COPG2: variants seen among roughly 807,000 people sequenced by gnomAD.
COPG2 encodes coat protein complex I subunit gamma 2.
In COPG2, 37 loss-of-function variants were observed where a neutral mutation model predicts 46.3. The ratio of observed to expected loss-of-function variants is 0.80; its 90% confidence interval spans 0.61 to 1.05. COPG2 has a LOEUF of 1.05. COPG2 is among the 50% of genes least tolerant of loss of function. COPG2 has a pLI of 0.00. For synonymous variants in COPG2, 159 were observed against 129.7 expected, an observed-to-expected ratio of 1.23 and a Z score of -1.53; for missense variants, 427 against 387.8, an observed-to-expected ratio of 1.10 and a Z score of -0.85.
chr7:130,584,200 A>G (rs1388882048), intron 9 of COPG2, among the ~76,000 whole-genome samples: 1 of 152,042 alleles, frequency 6.6e-6, no homozygotes, highest in Non-Finnish European at 1.5e-5. Flanking sequence ...ACAAAATTAA[A>G]AACAAAAATC....
Position 130,645,512 on chromosome 7 carries a change from C to T in COPG2, c.323+7357G>A, listed in dbSNP as rs537871703. The T allele has an allele frequency of 4.7e-5, 12 of 254,154 alleles. No individual in the cohort carries two copies. In the South Asian group the frequency reaches 4.9e-4, roughly 10 times the overall value. 15.7% of individuals were successfully genotyped at this position (254,154 alleles called of 1,614,324 possible). ...CCACAGGCACTAGAGGCTCCAGGGG[C>T]TCAATCACCTCAATCATGATCCGGC... On this transcript the variant is annotated intron_variant, in intron 5 of 23. Coordinates refer to ENST00000425248, the MANE Select transcript of COPG2 (RefSeq NM_012133.6).
At chr7:130,646,774 T>G (rs1554458248) in intron 5 of COPG2, among the ~76,000 whole-genome samples, 2 of 151,734 alleles carry the variant, frequency 1.3e-5, no homozygotes, top group Non-Finnish European at 2.9e-5. Context: ...CTTTCACTCT[T>G]TTCTCTCTCT....
At chr7:130,653,373 C>A (rs1397004417) in intron 4 of COPG2, among the ~76,000 whole-genome samples, 2 of 152,208 alleles carry the variant, frequency 1.3e-5, no homozygotes, top group Non-Finnish European at 2.9e-5. Flanking sequence ...CCTGCCGCAG[C>A]CTCCTGGGTA....
intron 20 of COPG2, among the ~76,000 whole-genome samples, chr7:130,512,043 T>TGTTGAAACACAGTG (rs1799604097): frequency 7.8e-6 from 1 of 128,950 alleles, no homozygotes; most frequent in Admixed American, 8.5e-5. Flanking sequence ...GGTGAAACAC[T>TGTTGAAACACAGTG]GTGTCTTCTA....
intron 5 of COPG2, among the ~76,000 whole-genome samples, chr7:130,624,772 T>C (rs1554454054): frequency 1.3e-5 from 2 of 152,362 alleles, no homozygotes. Context: ...CTGTATTCCA[T>C]GGTGTATATA....
intron 5 of COPG2, among the ~76,000 whole-genome samples, chr7:130,634,886 C>T (rs1390927051): frequency 2.0e-5 from 3 of 151,856 alleles, no homozygotes. Flanking sequence ...TACGTTCCAT[C>T]AACACCTAGT....
Position 130,507,835 on chromosome 7 carries a change from T to C in COPG2, c.2248-12A>G. On this transcript the variant is annotated splice_polypyrimidine_tract_variant and intron_variant, in intron 21 of 23. Transcript: ENST00000425248. ...TCGAGATCTTCCAGCTAGTGGGTAATAAGCAGTCAGTAAAGAAAAGTCCTT... is the reference window on the plus strand; with the variant it reads ...TCGAGATCTTCCAGCTAGTGGGTAACAAGCAGTCAGTAAAGAAAAGTCCTT... 1 of 779,630 alleles carries C rather than the reference T, an allele frequency of 1.3e-6. No homozygotes were observed. Among genetic ancestry groups the C allele is most frequent in the Non-Finnish European group, 2.4e-6 (1 of 417,500 alleles). 48.3% of individuals were successfully genotyped at this position (779,630 alleles called of 1,614,324 possible).
intron 9 of COPG2, among the ~76,000 whole-genome samples, chr7:130,591,660 C>T (rs542206372): frequency 1.4e-5 from 2 of 145,240 alleles, no homozygotes; most frequent in East Asian, 2.2e-4. Context: ...GGCGCCTCTG[C>T]CCGGCCGCCC....
At chr7:130,636,189 G>A (rs1795333229) in intron 5 of COPG2, among the ~76,000 whole-genome samples, 1 of 152,154 alleles carries the variant, frequency 6.6e-6, no homozygotes, top group Non-Finnish European at 1.5e-5. Flanking sequence ...GTTGATTTGG[G>A]GTGGAGAGTT....
chr7:130,608,976 A>C (rs1263426417), intron 9 of COPG2, among the ~76,000 whole-genome samples: 2 of 151,942 alleles, frequency 1.3e-5, no homozygotes, highest in Non-Finnish European at 2.9e-5. Context: ...TCCCATGCTC[A>C]ACCGATCCTC....
At chr7:130,598,572 G>A (rs1251650204) in intron 9 of COPG2, among the ~76,000 whole-genome samples, 10 of 152,184 alleles carry the variant, frequency 6.6e-5, no homozygotes, top group Non-Finnish European at 2.9e-5. Context: ...CTTCACAAAT[G>A]AAGAAGCAAC....
intron 20 of COPG2, among the ~76,000 whole-genome samples, chr7:130,512,751 A>C (rs1799615782): frequency 6.6e-6 from 1 of 152,186 alleles, no homozygotes; most frequent in Non-Finnish European, 1.5e-5. Flanking sequence ...TCTCAAAAAA[A>C]GAAAAAAGAG....
intron 9 of COPG2, among the ~76,000 whole-genome samples, chr7:130,592,395 C>CAA (rs1187335882): frequency 0.01 from 752 of 74,938 alleles, 4 homozygotes; most frequent in Non-Finnish European, 0.013. Context: ...CAAGAATGAT[C>CAA]AAAAAAAAAA....
At chr7:130,530,611 G>T (rs1188088381) in intron 20 of COPG2, among the ~76,000 whole-genome samples, 1 of 152,174 alleles carries the variant, frequency 6.6e-6, no homozygotes, top group African/African-American at 2.4e-5. Flanking sequence ...TAGGCCCTGG[G>T]TGGTTGAGAG....
rs148698679 is a variant in COPG2 at position 130,574,519 on chromosome 7, C to T, written c.738-10126G>A. 4.6e-3 allele frequency among the ~76,000 whole-genome samples: 697 copies of T among 152,214 alleles called. 3 individuals are homozygous for T. The highest frequency in any genetic ancestry group is 0.016 in the African/African-American group (666 of 41,508). On this transcript the variant is annotated intron_variant, in intron 9 of 23. Coordinates refer to ENST00000425248, the MANE Select transcript of COPG2 (RefSeq NM_012133.6). ...GGAGAGTACTACATCCAAGCAACAC[C>T]CCATGAGACAAAAGAATCAGAACAA... is the stretch of plus-strand genomic sequence containing the variant.
intron 9 of COPG2, among the ~76,000 whole-genome samples, chr7:130,570,035 C>T (rs960312627): frequency 4.6e-5 from 7 of 152,108 alleles, no homozygotes; most frequent in Admixed American, 3.3e-4. Context: ...TCAGCAAAAT[C>T]GGCACAGAGG....
At chr7:130,560,435 CAATCCCAGTCAT>C (rs1198597141) in intron 12 of COPG2, among the ~76,000 whole-genome samples, 5 of 152,110 alleles carry the variant, frequency 3.3e-5, no homozygotes. Context: ...AGATTCAACA[CAATCCCAGTCAT>C]AATCCTAGCA....
At chr7:130,635,354 T>C (rs1459305844) in intron 5 of COPG2, among the ~76,000 whole-genome samples, 1 of 152,052 alleles carries the variant, frequency 6.6e-6, no homozygotes, top group Non-Finnish European at 1.5e-5. Context: ...CTTTTTTTGG[T>C]TGGTAGGCTA....
At chr7:130,620,923 C>A (rs1350512902) in intron 5 of COPG2, among the ~76,000 whole-genome samples, 1 of 152,184 alleles carries the variant, frequency 6.6e-6, no homozygotes, top group African/African-American at 2.4e-5. Flanking sequence ...CAAAGTCCTA[C>A]TCCCTAGATC....
Sources: gnomAD v4.1 joint callset for allele counts (sites outside exome capture counted in the v4.1 genomes callset) on GRCh38, gnomAD v4.1.1 for gene constraint, MANE v1.5 for transcripts, NCBI Gene and HGNC (gene_info 2026-07-23, HGNC 2026-07-21) for gene names.